The following NRK variants were observed in gnomAD, a reference collection of about 807,000 sequenced individuals.
NRK encodes the protein nik-related protein kinase.
Under a neutral mutation model 125.2 loss-of-function variants are expected in NRK, and 67 were observed. The observed-to-expected ratio is 0.54, with a 90% CI of 0.44 to 0.66. The LOEUF (loss-of-function observed/expected upper bound fraction) is 0.66, where lower values mean the gene tolerates loss of function less well. NRK is among the 30% of genes least tolerant of loss of function. The pLI is 0.00. For missense variants in NRK, 1,224 were observed against 1,192.9 expected (o/e 1.03, Z -0.38); for synonymous variants, 458 against 429.0 (o/e 1.07, Z -0.84).
rs1035881175 is a variant in NRK, at chrX:105,932,156, A to T, written c.3313-2102A>T. ...TTATCCACATTGCAGCATGTATCAG[A>T]ATTTCATTCCTTTTCAAGGGTGAAT... On this transcript the variant is annotated intron_variant, in intron 19 of 28. Transcript: ENST00000243300. Among the ~76,000 whole-genome samples the T allele has an allele frequency of 2.7e-5, 3 of 112,040 alleles. No homozygotes were observed. The East Asian group carries it at 8.4e-4, about 31-fold the overall frequency.
At chrX:105,941,846 C>A (rs1476326916) in intron 23 of NRK, among the ~76,000 whole-genome samples, 1 of 110,864 alleles carries the variant, frequency 9.0e-6, no homozygotes, top group Non-Finnish European at 1.9e-5. Context: ...TGACAATCGC[C>A]ATGATCTAAT....
At chrX:105,845,268 C>T (rs1384362011) in intron 2 of NRK, among the ~76,000 whole-genome samples, 4 of 111,764 alleles carry the variant, frequency 3.6e-5, no homozygotes, top group Non-Finnish European at 7.5e-5. Context: ...CTTTTATATT[C>T]CCTGCAGTAG....
At chrX:105,930,132 T>A (rs2040576173) in intron 19 of NRK, among the ~76,000 whole-genome samples, 1 of 111,754 alleles carries the variant, frequency 8.9e-6, no homozygotes, top group Non-Finnish European at 1.9e-5. Context: ...TCCCAAGACT[T>A]GGGAATTTTT....
At chrX:105,903,567 A>G (rs1003291696) in intron 9 of NRK, among the ~76,000 whole-genome samples, 3 of 112,072 alleles carry the variant, frequency 2.7e-5, no homozygotes, top group African/African-American at 9.7e-5. Flanking sequence ...ATGAGCCTCT[A>G]ATGATGAACA....
intron 17 of NRK, 39 bp downstream of exon 17, chrX:105,922,100 T>G: frequency 1.5e-6 from 1 of 665,546 alleles, no homozygotes; most frequent in Admixed American, 2.6e-5. Context: ...CTATTATTTT[T>G]TATTTTCCAT....
Position 105,831,088 on chromosome X carries a change from T to C in NRK, c.92T>C (p.Ile31Thr), listed in dbSNP as rs1344593490. The C allele has an allele frequency of 1.7e-6, 2 of 1,161,185 alleles. No homozygotes were observed. Among genetic ancestry groups the C allele is most frequent in the East Asian group, 3.0e-5 (1 of 33,339 alleles). ...PTGIFSLDKTIGLGTYGRIYL... is the reference protein window; with the variant it reads ...PTGIFSLDKTTGLGTYGRIYL... ...GGAATATTCTCACTAGATAAAACCATTGGCCTTGGTACTTATGGCAGAATC... is the reference window on the plus strand; with the variant it reads ...GGAATATTCTCACTAGATAAAACCACTGGCCTTGGTACTTATGGCAGAATC... The change falls in exon 2 of 29, where the codon ATT becomes ACT. Residue 31 changes from isoleucine (I) to threonine (T), a missense_variant. Coordinates refer to ENST00000243300, the MANE Select transcript of NRK (RefSeq NM_198465.4).
At chrX:105,901,150 GT>G (rs1173279819) in intron 9 of NRK, among the ~76,000 whole-genome samples, 29 of 106,498 alleles carry the variant, frequency 2.7e-4, no homozygotes, top group Middle Eastern at 4.9e-3. Flanking sequence ...AAGTAAGCCT[GT>G]TTTTTTTTTC....
At chrX:105,873,527 C>G (rs2147697991) in intron 2 of NRK, among the ~76,000 whole-genome samples, 1 of 111,736 alleles carries the variant, frequency 8.9e-6, no homozygotes, top group Non-Finnish European at 1.9e-5. Flanking sequence ...TCAGTGATGA[C>G]TTCTGTCTTC....
chrX:105,855,799 A>G (rs1363166144), intron 2 of NRK, among the ~76,000 whole-genome samples: 3 of 111,938 alleles, frequency 2.7e-5, no homozygotes, highest in African/African-American at 9.7e-5. Flanking sequence ...ACCACTCTAA[A>G]GTACCTTACA....
At chrX:105,876,954 CATCAGTCACTTA>C (rs931376451) in intron 2 of NRK, among the ~76,000 whole-genome samples, 1 of 111,553 alleles carries the variant, frequency 9.0e-6, no homozygotes, top group Non-Finnish European at 1.9e-5. Context: ...TCAAAACGAA[CATCAGTCACTTA>C]ATCAGTCACT....
In NRK at chrX:105,906,394, CTCTT is replaced by C; in HGVS notation, c.846-18_846-15del. 9.3e-7 allele frequency: 1 copy of C among 1,070,799 alleles called. No individual in the cohort carries two copies. The highest frequency in any genetic ancestry group is 1.3e-6 in the Non-Finnish European group (1 of 798,095). 88.2% of individuals were successfully genotyped at this position (1,070,799 alleles called of 1,213,427 possible). A position where few individuals can be genotyped will look rare whatever the true frequency, so the allele number is the denominator to read the frequency against. Reference sequence around the variant, plus strand: ...AGGACTGAGAACACTTTTTTTTCCTCTCTTTGACTCATTTTTTAGGTCCCGTAAG... The same window carrying C: ...AGGACTGAGAACACTTTTTTTTCCTCTGACTCATTTTTTAGGTCCCGTAAG... On this transcript the variant is annotated splice_polypyrimidine_tract_variant and intron_variant, in intron 10 of 28. Coordinates refer to ENST00000243300, the MANE Select transcript of NRK (RefSeq NM_198465.4).
intron 4 of NRK, among the ~76,000 whole-genome samples, chrX:105,883,816 C>G (rs773123505): frequency 8.9e-6 from 1 of 112,806 alleles, no homozygotes; most frequent in Non-Finnish European, 1.9e-5. Flanking sequence ...TTCCTCTCAG[C>G]AGAACCTTGG....
intron 22 of NRK, among the ~76,000 whole-genome samples, chrX:105,939,454 A>T (rs2040707846): frequency 9.0e-6 from 1 of 111,584 alleles, no homozygotes; most frequent in Non-Finnish European, 1.9e-5. Context: ...GCTGTCCCTG[A>T]ATACCTTAAC....
At chrX:105,846,192 G>A (rs972888127) in intron 2 of NRK, among the ~76,000 whole-genome samples, 13 of 111,982 alleles carry the variant, frequency 1.2e-4, no homozygotes, top group Admixed American at 1.1e-3. Flanking sequence ...CTGTTTCACA[G>A]GCCAGGCTAT....
chrX:105,869,070 A>G (rs933221108), intron 2 of NRK, among the ~76,000 whole-genome samples: 5 of 111,312 alleles, frequency 4.5e-5, no homozygotes, highest in African/African-American at 1.3e-4. Flanking sequence ...TAGTATGGGA[A>G]GATTAGCTAG....
At chrX:105,842,964 T>C (rs937511412) in intron 2 of NRK, among the ~76,000 whole-genome samples, 11 of 111,826 alleles carry the variant, frequency 9.8e-5, no homozygotes, top group African/African-American at 3.6e-4. Flanking sequence ...CAAAACAAAG[T>C]GTTTCAATGA....
intron 2 of NRK, among the ~76,000 whole-genome samples, chrX:105,852,215 G>T (rs1022131932): frequency 9.0e-6 from 1 of 111,514 alleles, no homozygotes; most frequent in Non-Finnish European, 1.9e-5. Context: ...TCAATATGTT[G>T]AGAATGTTGA....
chrX:105,924,286 C>G (rs2147770511), intron 18 of NRK, among the ~76,000 whole-genome samples: 1 of 111,000 alleles, frequency 9.0e-6, no homozygotes, highest in East Asian at 2.9e-4. Context: ...ACTAGATATA[C>G]TGCAAGAAGA....
Position 105,848,162 on chromosome X carries a change from G to A in NRK, c.123+17043G>A, listed in dbSNP as rs765166546. Among the ~76,000 whole-genome samples the A allele has an allele frequency of 7.2e-5, 8 of 111,671 alleles. No homozygotes were observed. In the South Asian group the frequency reaches 1.9e-3, roughly 26 times the overall value. On this transcript the variant is annotated intron_variant, in intron 2 of 28. Coordinates refer to ENST00000243300, the MANE Select transcript of NRK (RefSeq NM_198465.4). ...GAGCTGATAGGACTCCATTCAGGTCGTAGGTCAATCCGTTATTTATAGATA... is the reference window on the plus strand; with the variant it reads ...GAGCTGATAGGACTCCATTCAGGTCATAGGTCAATCCGTTATTTATAGATA...
Sources: allele counts gnomAD v4.1 joint callset (sites outside exome capture counted in the v4.1 genomes callset), GRCh38; gene constraint gnomAD v4.1.1; transcripts MANE v1.5; gene names NCBI Gene and HGNC (gene_info 2026-07-23, HGNC 2026-07-21).